Variants in TLR1 observed in about 807,000 individuals in gnomAD.
TLR1 encodes the protein toll like receptor 1.
TLR1 carries 19 observed loss-of-function variants against 20.2 expected under a neutral mutation model. That is an observed-to-expected ratio of 0.94 (90% CI 0.66 to 1.38). The LOEUF (loss-of-function observed/expected upper bound fraction) is 1.38. Ranked by LOEUF, TLR1 falls within the 40% of genes most tolerant of loss-of-function variation. The pLI is 0.00. For synonymous variants in TLR1, 320 were observed against 334.5 expected, an observed-to-expected ratio of 0.96 and a Z score of 0.47; for missense variants, 921 against 910.0, an observed-to-expected ratio of 1.01 and a Z score of -0.16.
chr4:38,794,078 C>T (rs909815261), downstream of TLR1, among the ~76,000 whole-genome samples: 5 of 152,110 alleles, frequency 3.3e-5, no homozygotes, highest in African/African-American at 1.2e-4. Context: ...TTTCAGCCTC[C>T]AGAACTATGG....
At chr4:38,794,886 C>A (rs1725934571), downstream of TLR1, among the ~76,000 whole-genome samples, 1 of 152,062 alleles carries the variant, frequency 6.6e-6, no homozygotes, top group African/African-American at 2.4e-5. Flanking sequence ...CATTTGTAGG[C>A]TTTTTGGTTT....
rs1560455637 is a variant in TLR1, at chr4:38,796,600, G to C, written c.2232C>G (p.His744Gln). Reference protein sequence around the residue: ...IPQYSIPSSYHKLKSLMARRT... With the variant: ...IPQYSIPSSYQKLKSLMARRT... ...TCCTGGCCATGAGACTTTTGAGCTT[G>C]TGATAACTGCTAGGAATGGAGTACT... Residue 744 changes from histidine to glutamine, a missense_variant, in exon 4 of 4, where the codon CAC (histidine) becomes CAG (glutamine). Transcript: ENST00000308979. 1 of 1,614,174 alleles carries C rather than the reference G, an allele frequency of 6.2e-7. No individual in the cohort carries two copies. Among genetic ancestry groups the C allele is most frequent in the Non-Finnish European group, 8.5e-7 (1 of 1,180,028 alleles).
chr4:38,797,306 A>G lies in TLR1; in HGVS notation c.1526T>C (p.Phe509Ser). 1 of 1,614,200 alleles carries G rather than the reference A, an allele frequency of 6.2e-7. No individual in the cohort carries two copies. Among genetic ancestry groups the G allele is most frequent in the Non-Finnish European group, 8.5e-7 (1 of 1,180,040 alleles). The stretch of plus-strand genomic sequence containing the variant: ...CCTCATCTTCTGGCAGCTCTGGAAG[A>G]AATCAGCCGATGGGTGGGAAACTGA... The part of the protein sequence containing the change: ...HNSVSHPSAD[F>S]FQSCQKMRSI... Residue 509 changes from phenylalanine to serine, a missense_variant, in exon 4 of 4, where the codon TTC (phenylalanine) becomes TCC (serine). Coordinates refer to ENST00000308979, the MANE Select transcript of TLR1 (RefSeq NM_003263.4).
At chr4:38,795,011 G>C (rs1725944663), downstream of TLR1, among the ~76,000 whole-genome samples, 1 of 152,178 alleles carries the variant, frequency 6.6e-6, no homozygotes, top group Admixed American at 6.5e-5. Flanking sequence ...GAGTGACCAA[G>C]GAAGAATGGA....
In TLR1 at chr4:38,797,253, G is replaced by T; in HGVS notation, c.1579C>A (p.Gln527Lys). ...RSIKAGDNPFQCTCELGEFVK... is the reference protein window; with the variant it reads ...RSIKAGDNPFKCTCELGEFVK... ...AATTCTCCTAGCTCACAGGTACATTGGAATGGATTGTCCCCTGCTTTTATT... is the reference window on the plus strand; with the variant it reads ...AATTCTCCTAGCTCACAGGTACATTTGAATGGATTGTCCCCTGCTTTTATT... The change falls in exon 4 of 4, where the codon CAA (glutamine) becomes AAA (lysine). Residue 527 changes from glutamine (Q) to lysine (K), a missense_variant. Transcript: ENST00000308979. 6.2e-7 allele frequency: 1 copy of T among 1,614,194 alleles called. No individual in the cohort carries two copies.
In TLR1 at chr4:38,796,561, T is replaced by C. The variant is rs758511588; in HGVS notation, c.2271A>G (p.Glu757=). 12 of 1,614,078 alleles carry C rather than the reference T, an allele frequency of 7.4e-6. No individual in the cohort carries two copies. The African/African-American group carries it at 1.6e-4, about 22-fold the overall frequency. ...KSLMARRTYL[E]WPKEKSKRGL... is the part of the protein sequence containing the mutation. ...CACGTTTGCTCTTTTCCTTGGGCCA[T>C]TCCAAATAAGTCCTCCTGGCCATGA... The change falls in exon 4 of 4, where the codon GAA becomes GAG. Residue 757 remains glutamate (E), a synonymous_variant. Coordinates refer to ENST00000308979, the MANE Select transcript of TLR1 (RefSeq NM_003263.4).
In TLR1 at chr4:38,796,692, C is replaced by A; in HGVS notation, c.2140G>T (p.Ala714Ser). ...SEWCHYELYF[A>S]HHNLFHEGSN... ...CCTTCATGAAAGAGATTGTGATGGG[C>A]AAAGTAGAGTTCATAATGGCACCAT... is the stretch of plus-strand genomic sequence containing the variant. The change falls in exon 4 of 4, where the codon GCC becomes TCC. Residue 714 changes from alanine (A) to serine (S), a missense_variant. By Grantham distance (99) the Ala-to-Ser change is moderately conservative. Transcript: ENST00000308979. The A allele has an allele frequency of 6.2e-7, 1 of 1,614,096 alleles. No individual in the cohort carries two copies.
rs1726045434 is a variant in TLR1 at position 38,796,285 on chromosome 4, A to G, written c.*186T>C. Reference sequence around the variant, plus strand: ...TGTCAGAACTGTTTAAATCAAAGTTATATCATTTCATTAATTTTTAATACC... The same window carrying G: ...TGTCAGAACTGTTTAAATCAAAGTTGTATCATTTCATTAATTTTTAATACC... On this transcript the variant is annotated 3_prime_UTR_variant, in exon 4 of 4. Transcript: ENST00000308979. The G allele has an allele frequency of 1.6e-6, 1 of 638,230 alleles. No individual in the cohort carries two copies. The highest frequency in any genetic ancestry group is 2.6e-6 in the Non-Finnish European group (1 of 380,272). The allele number at this position is 638,230 out of a possible 1,614,324, so 39.5% of individuals were successfully genotyped here.
chr4:38,794,575 C>T (rs148530597), downstream of TLR1: 3 of 151,170 alleles, frequency 2.0e-5, no homozygotes, highest in African/African-American at 7.3e-5. Context: ...ATGGCCTTTC[C>T]ATTCTTCATC....
At chr4:38,792,875 A>ATATATATATATATATATATATC (rs1553901942), downstream of TLR1, among the ~76,000 whole-genome samples, 4 of 147,970 alleles carry the variant, frequency 2.7e-5, no homozygotes, top group African/African-American at 1.0e-4. Flanking sequence ...ATATATATAT[A>ATATATATATATATATATATATC]TCTCCAAATT....
At chr4:38,805,301 G>A (rs900525110), upstream of TLR1, 3 of 152,186 alleles carry the variant, frequency 2.0e-5, no homozygotes, top group Non-Finnish European at 4.4e-5. Flanking sequence ...TGTTAATCAC[G>A]TCTTTTTTGA....
At chr4:38,792,853 T>TTATATATATA (rs72518392), downstream of TLR1, among the ~76,000 whole-genome samples, 523 of 122,236 alleles carry the variant, frequency 4.3e-3, 18 homozygotes, top group African/African-American at 0.012. Context: ...TATTTTCAAA[T>TTATATATATA]TATATATATA....
downstream of TLR1, among the ~76,000 whole-genome samples, chr4:38,792,518 C>T (rs1416634474): frequency 1.3e-5 from 2 of 152,028 alleles, no homozygotes; most frequent in Admixed American, 6.6e-5. Flanking sequence ...TGGGCTCAAG[C>T]GATCCTCCTG....
In TLR1 at chr4:38,797,081, A is replaced by T; in HGVS notation, c.1751T>A (p.Val584Asp). ...ELSCNITLLI[V>D]TIVATMLVLA... ...CACCAGCATGGTGGCAACGATGGTG[A>T]CGATCAGCAGAGTTATGTTGCAGGA... is the stretch of plus-strand genomic sequence containing the variant. Residue 584 changes from valine (V) to aspartate (D), a missense_variant, in exon 4 of 4, where the codon GTC (valine) becomes GAC (aspartate). By Grantham distance (152) the Val-to-Asp change is radical (BLOSUM62 -3). Transcript: ENST00000308979. 6.2e-7 allele frequency: 1 copy of T among 1,614,212 alleles called. No homozygotes were observed. The highest frequency in any genetic ancestry group is 8.5e-7 in the Non-Finnish European group (1 of 1,180,038).
Position 38,798,065 on chromosome 4 carries a change from G to A in TLR1, c.767C>T (p.Thr256Ile). Residue 256 changes from threonine (T) to isoleucine (I), a missense_variant, in exon 4 of 4, where the codon ACA becomes ATA. By Grantham distance (89) the Thr-to-Ile change is moderately conservative. Coordinates refer to ENST00000308979, the MANE Select transcript of TLR1 (RefSeq NM_003263.4). ...LSNLTLNNIE[T>I]TWNSFIRILQ... is the part of the protein sequence containing the mutation. ...GATCCTAATGAAAGAATTCCAAGTTGTTTCAATGTTGTTTAAGGTAAGATT... is the reference window on the plus strand; with the variant it reads ...GATCCTAATGAAAGAATTCCAAGTTATTTCAATGTTGTTTAAGGTAAGATT... 1 of 1,613,838 alleles carries A rather than the reference G, an allele frequency of 6.2e-7. No individual in the cohort carries two copies. Among genetic ancestry groups the A allele is most frequent in the Non-Finnish European group, 8.5e-7 (1 of 1,179,790 alleles).
chr4:38,797,875 G>T lies in TLR1; in HGVS notation c.957C>A (p.Ile319=), dbSNP rs146782074. Residue 319 remains isoleucine, a synonymous_variant, in exon 4 of 4, where the codon ATC becomes ATA. Coordinates refer to ENST00000308979, the MANE Select transcript of TLR1 (RefSeq NM_003263.4). Reference sequence around the variant, plus strand: ...TGTTCATATTCGAAAAGATTTCATAGATATAACTTTGCGGAAAACCGAACA... The same window carrying T: ...TGTTCATATTCGAAAAGATTTCATATATATAACTTTGCGGAAAACCGAACA... ...SDVFGFPQSY[I]YEIFSNMNIK... The T allele has an allele frequency of 6.2e-7, 1 of 1,614,056 alleles. No individual in the cohort carries two copies. Among genetic ancestry groups the T allele is most frequent in the Admixed American group, 1.7e-5 (1 of 60,016 alleles).
Position 38,798,089 on chromosome 4 carries a change from T to A in TLR1, c.743A>T (p.Asn248Ile). Residue 248 changes from asparagine to isoleucine, a missense_variant, in exon 4 of 4, where the codon AAT (asparagine) becomes ATT (isoleucine). Coordinates refer to ENST00000308979, the MANE Select transcript of TLR1 (RefSeq NM_003263.4). ...AKLQTNPKLS[N>I]LTLNNIETTW... Reference sequence around the variant, plus strand: ...TGTTTCAATGTTGTTTAAGGTAAGATTTGATAACTTTGGATTTGTTTGAAG... The same window carrying A: ...TGTTTCAATGTTGTTTAAGGTAAGAATTGATAACTTTGGATTTGTTTGAAG... 6.2e-7 allele frequency: 1 copy of A among 1,613,308 alleles called. No individual in the cohort carries two copies.
chr4:38,798,451 A>G lies in TLR1; in HGVS notation c.381T>C (p.Asp127=), dbSNP rs779413477. The G allele has an allele frequency of 6.2e-7, 1 of 1,614,064 alleles. No individual in the cohort carries two copies. The highest frequency in any genetic ancestry group is 8.5e-7 in the Non-Finnish European group (1 of 1,179,944). Residue 127 remains aspartate (D), a synonymous_variant, in exon 4 of 4, where the codon GAT becomes GAC. Transcript: ENST00000308979. ...KHLDLSFNAF[D]ALPICKEFGN... is the part of the protein sequence containing the mutation. ...CAAACTCTTTGCATATAGGCAGGGC[A>G]TCAAATGCATTAAATGACAGGTCCA...
At chr4:38,801,107 T>C (rs1265945582) in intron 2 of TLR1, among the ~76,000 whole-genome samples, 159 bp from the exon 3 acceptor site, 6 of 152,260 alleles carry the variant, frequency 3.9e-5, no homozygotes, top group Non-Finnish European at 7.3e-5. Flanking sequence ...AATATTTCAA[T>C]GGATGTTATA....
Sources: allele counts gnomAD v4.1 joint callset (sites outside exome capture counted in the v4.1 genomes callset), GRCh38; gene constraint gnomAD v4.1.1; transcripts MANE v1.5; gene names NCBI Gene and HGNC (gene_info 2026-07-23, HGNC 2026-07-21).